Variants in CUBN observed in about 807,000 individuals in gnomAD.
CUBN encodes the protein cubilin, also known as 460 kDa receptor.
CUBN carries 282 observed loss-of-function variants against 405.3 expected under a neutral mutation model. That is an observed-to-expected ratio of 0.70 (90% CI 0.63 to 0.77). The LOEUF (loss-of-function observed/expected upper bound fraction) is 0.77, where lower values mean the gene tolerates loss of function less well. Ranked by LOEUF, CUBN falls within the 30% of genes least tolerant of loss-of-function variation. The pLI is 0.00. For synonymous variants in CUBN, 1,684 were observed against 1,617.0 expected (o/e 1.04, Z -0.99); for missense variants, 4,514 against 4,475.2 (o/e 1.01, Z -0.25).
In CUBN at chr10:17,047,643, T is replaced by C. The variant is rs748703521; in HGVS notation, c.3140-40A>G. 4 of 1,548,934 alleles carry C rather than the reference T, an allele frequency of 2.6e-6. No individual in the cohort carries two copies. In the African/African-American group the frequency reaches 4.1e-5, roughly 16 times the overall value. On this transcript the variant is annotated intron_variant, in intron 22 of 66. Transcript: ENST00000377833. ...AGACCATAAGAGAGAAAATAGAAAA[T>C]ATTGATATGTTTATAATACATCCAG...
intron 36 of CUBN, among the ~76,000 whole-genome samples, chr10:16,945,818 G>A (rs1842763994): frequency 6.6e-6 from 1 of 150,948 alleles, no homozygotes; most frequent in Non-Finnish European, 1.5e-5. Flanking sequence ...TTCCTGTGAG[G>A]CAGCTTAAAC....
chr10:17,082,654 A>C (rs1481480081), intron 17 of CUBN, among the ~76,000 whole-genome samples: 1 of 152,234 alleles, frequency 6.6e-6, no homozygotes, highest in East Asian at 1.9e-4. Flanking sequence ...TCGGAGAGCC[A>C]GGTATGGAAT....
rs929686688 is a variant in CUBN, at chr10:17,050,166, G to C, written c.3140-2563C>G. ...TTTTTCCTCTCTCTCTCTTCTTCCTGTACTCTATCCTGGTTGGCTGAGGTT... is the reference window on the plus strand; with the variant it reads ...TTTTTCCTCTCTCTCTCTTCTTCCTCTACTCTATCCTGGTTGGCTGAGGTT... On this transcript the variant is annotated intron_variant, in intron 22 of 66. Coordinates refer to ENST00000377833, the MANE Select transcript of CUBN (RefSeq NM_001081.4). Among the ~76,000 whole-genome samples the C allele has an allele frequency of 2.6e-5, 4 of 151,812 alleles. No individual in the cohort carries two copies. The East Asian group carries it at 7.7e-4, about 29-fold the overall frequency.
chr10:17,088,277 G>A lies in CUBN; in HGVS notation c.1834C>T (p.Pro612Ser), dbSNP rs1463460024. 1 of 1,613,646 alleles carries A rather than the reference G, an allele frequency of 6.2e-7. No homozygotes were observed. Among genetic ancestry groups the A allele is most frequent in the Non-Finnish European group, 8.5e-7 (1 of 1,179,636 alleles). The stretch of plus-strand genomic sequence containing the variant: ...ACAATCCAGACACAATCTCTTCCTG[G>A]GGGATAGTTTCCAGGATACCCCGGA... ...KSPGYPGNYP[P>S]GRDCVWIVVT... Residue 612 changes from proline (P) to serine (S), a missense_variant, in exon 15 of 67, where the codon CCA becomes TCA. By Grantham distance (74) the Pro-to-Ser change is moderately conservative (BLOSUM62 -1). Transcript: ENST00000377833.
At chr10:17,085,868 A>C in intron 15 of CUBN, 109 bp from the exon 16 acceptor site, 3 of 1,058,722 alleles carry the variant, frequency 2.8e-6, no homozygotes, top group Non-Finnish European at 4.2e-6. Flanking sequence ...TGATCGCTCA[A>C]GGAAGTTTCC....
rs1415597670 is a variant in CUBN at position 17,068,110 on chromosome 10, C to T, written c.2962G>A (p.Asp988Asn). 1.9e-6 allele frequency: 3 copies of T among 1,613,380 alleles called. No homozygotes were observed. The highest frequency in any genetic ancestry group is 1.7e-5 in the Admixed American group (1 of 59,970). The stretch of plus-strand genomic sequence containing the variant: ...TCGGTGTCATAAACTTCCAAGTAGT[C>T]GTTTGTGCAATTGTAATGAAACTCC... Reference protein sequence around the residue: ...HLEFHYNCTNDYLEVYDTDSE... With the variant: ...HLEFHYNCTNNYLEVYDTDSE... The change falls in exon 21 of 67, where the codon GAC becomes AAC. Residue 988 changes from aspartate to asparagine, a missense_variant. Asp to Asn is a conservative substitution (Grantham distance 23, BLOSUM62 1). Around this residue, in one of 5 missense-constraint regions of CUBN, gnomAD observed 1,448 missense variants for 1,388.0 expected, o/e 1.04. Coordinates refer to ENST00000377833, the MANE Select transcript of CUBN (RefSeq NM_001081.4).
At chr10:16,971,675 A>T (rs1832938913) in intron 31 of CUBN, among the ~76,000 whole-genome samples, 3 of 152,118 alleles carry the variant, frequency 2.0e-5, no homozygotes, top group African/African-American at 7.2e-5. Flanking sequence ...AAAGTACAAC[A>T]TTCATAGAAC....
intron 65 of CUBN, among the ~76,000 whole-genome samples, chr10:16,829,342 GAA>G (rs71287326): frequency 7.4e-5 from 9 of 121,140 alleles, no homozygotes; most frequent in African/African-American, 1.8e-4. Context: ...GAGCAGAATG[GAA>G]AAAAAAAAAA....
At chr10:17,068,461 G>T in intron 20 of CUBN, 144 bp downstream of exon 20, 1 of 938,484 alleles carries the variant, frequency 1.1e-6, no homozygotes. Context: ...TATAAATGTT[G>T]ATTAGAAAAT....
At chr10:17,116,737 G>A (rs1029887562) in intron 6 of CUBN, among the ~76,000 whole-genome samples, 11 of 152,272 alleles carry the variant, frequency 7.2e-5, no homozygotes, top group African/African-American at 1.2e-4. Flanking sequence ...CACAGGATTC[G>A]GCTTGCCTGT....
intron 54 of CUBN, among the ~76,000 whole-genome samples, chr10:16,894,538 G>C (rs1055482538): frequency 2.0e-4 from 31 of 152,134 alleles, no homozygotes; most frequent in Admixed American, 6.5e-5. Context: ...TGTATTTCTA[G>C]GTTCTCTGTT....
chr10:16,897,570 G>A (rs975485125), intron 54 of CUBN, among the ~76,000 whole-genome samples: 7 of 152,248 alleles, frequency 4.6e-5, no homozygotes, highest in African/African-American at 1.7e-4. Flanking sequence ...TGGGGACAAA[G>A]AGGCTTCCCA....
chr10:16,880,221 G>A (rs146558607), intron 56 of CUBN, among the ~76,000 whole-genome samples: 2 of 152,254 alleles, frequency 1.3e-5, no homozygotes, highest in East Asian at 3.9e-4. Flanking sequence ...ATATTTTCAT[G>A]ATTAGAGTCA....
intron 28 of CUBN, among the ~76,000 whole-genome samples, chr10:17,018,212 A>G (rs185100332): frequency 6.6e-6 from 1 of 152,102 alleles, no homozygotes; most frequent in Admixed American, 6.5e-5. Flanking sequence ...ATAGCCCCCA[A>G]ATTCTAAGGA....
intron 36 of CUBN, among the ~76,000 whole-genome samples, chr10:16,942,942 C>T (rs1014777047): frequency 1.3e-5 from 2 of 152,010 alleles, no homozygotes; most frequent in Non-Finnish European, 2.9e-5. Flanking sequence ...ACTTCTCTGT[C>T]ATGTGTATCT....
At chr10:16,889,795 G>A (rs555832464) in intron 55 of CUBN, among the ~76,000 whole-genome samples, 30 of 151,832 alleles carry the variant, frequency 2.0e-4, no homozygotes, top group Non-Finnish European at 3.8e-4. Flanking sequence ...CCAGCTACTC[G>A]GCAGGCTAAG....
chr10:17,077,101 T>A (rs1230846985), intron 17 of CUBN, among the ~76,000 whole-genome samples: 3 of 152,178 alleles, frequency 2.0e-5, no homozygotes, highest in Non-Finnish European at 2.9e-5. Flanking sequence ...TTTTAGTGAA[T>A]CGCATTTGCA....
At chr10:16,853,775 G>C (rs1164172558) in intron 59 of CUBN, among the ~76,000 whole-genome samples, 1 of 152,234 alleles carries the variant, frequency 6.6e-6, no homozygotes, top group African/African-American at 2.4e-5. Context: ...GAGGGTTGGA[G>C]TTTGTGGAGT....
intron 59 of CUBN, among the ~76,000 whole-genome samples, chr10:16,869,252 A>G (rs941565126): frequency 7.0e-6 from 1 of 142,428 alleles, no homozygotes; most frequent in Non-Finnish European, 1.5e-5. Context: ...TGCAACCTCC[A>G]TCTCCTGGGT....
Sources: allele counts gnomAD v4.1 joint callset (sites outside exome capture counted in the v4.1 genomes callset), GRCh38; gene constraint gnomAD v4.1.1; regional missense constraint gnomAD v4.1.1; transcripts MANE v1.5; gene names NCBI Gene and HGNC (gene_info 2026-07-23, HGNC 2026-07-21).